Variants in NXPH1 observed in about 807,000 individuals in gnomAD.
NXPH1 encodes neurexophilin-1.
In NXPH1, 5 loss-of-function variants were observed where a neutral mutation model predicts 23.7. The observed-to-expected ratio is 0.21, with a 90% CI of 0.11 to 0.44. NXPH1 has a LOEUF of 0.44. Among genes scored for constraint, NXPH1 ranks in the 20% least tolerant of loss-of-function variants. The pLI is 0.99. For missense variants in NXPH1, 324 were observed against 321.6 expected (o/e 1.01, Z -0.06); for synonymous variants, 144 against 122.2 (o/e 1.18, Z -1.18).
At chr7:8,743,815 C>G (rs1211222232) in intron 2 of NXPH1, among the ~76,000 whole-genome samples, 1 of 151,974 alleles carries the variant, frequency 6.6e-6, no homozygotes, top group Non-Finnish European at 1.5e-5. Context: ...TCCCGAGTAG[C>G]TGGGACCACA....
At chr7:8,746,349 A>T (rs886983971) in intron 2 of NXPH1, among the ~76,000 whole-genome samples, 1 of 152,166 alleles carries the variant, frequency 6.6e-6, no homozygotes, top group Non-Finnish European at 1.5e-5. Context: ...TACAGCTGAA[A>T]CCTGCTTTGA....
chr7:8,496,882 ATTATAC>A (rs774670955), intron 2 of NXPH1, among the ~76,000 whole-genome samples: 1 of 152,102 alleles, frequency 6.6e-6, no homozygotes, highest in Non-Finnish European at 1.5e-5. Flanking sequence ...TTTTTTAAAA[ATTATAC>A]TTTAAGTTCT....
intron 2 of NXPH1, among the ~76,000 whole-genome samples, chr7:8,551,042 A>C (rs910969936): frequency 1.3e-5 from 2 of 151,502 alleles, no homozygotes; most frequent in Non-Finnish European, 3.0e-5. Context: ...TAAAACTTCT[A>C]ATATGTATTA....
intron 2 of NXPH1, among the ~76,000 whole-genome samples, chr7:8,537,705 C>T (rs1818049882): frequency 6.6e-6 from 1 of 151,854 alleles, no homozygotes; most frequent in African/African-American, 2.4e-5. Context: ...AGCTGTGTGA[C>T]ACTGGGAGCT....
intron 2 of NXPH1, among the ~76,000 whole-genome samples, chr7:8,614,977 A>G (rs1819704511): frequency 6.6e-6 from 1 of 152,056 alleles, no homozygotes; most frequent in Non-Finnish European, 1.5e-5. Context: ...TCTGTTTTGT[A>G]TTTTAATTCT....
At chr7:8,636,678 C>A in intron 2 of NXPH1, among the ~76,000 whole-genome samples, 1 of 152,120 alleles carries the variant, frequency 6.6e-6, no homozygotes. Context: ...TTTGATTTTG[C>A]CATGGGCATG....
chr7:8,735,876 G>C (rs1780245398), intron 2 of NXPH1, among the ~76,000 whole-genome samples: 1 of 152,226 alleles, frequency 6.6e-6, no homozygotes. Context: ...GGGTGTATGT[G>C]TCCAGGAATT....
At position 8,434,879 on chromosome 7, in the gene NXPH1, C is replaced by T. The variant is rs1178841962; in HGVS notation, c.-111+124C>T. 1 of 152,246 alleles carries T rather than the reference C, an allele frequency of 6.6e-6. No homozygotes were observed. Among genetic ancestry groups the T allele is most frequent in the Non-Finnish European group, 1.5e-5 (1 of 68,066 alleles). 9.4% of individuals were successfully genotyped at this position (152,246 alleles called of 1,614,324 possible). ...GAGAACAAGCCTGGCAGGTGACCCT[C>T]ACAGCTCGGAGGAGGCTTCTTCTCT... On this transcript the variant is annotated intron_variant, in intron 1 of 2. Coordinates refer to ENST00000405863, the MANE Select transcript of NXPH1 (RefSeq NM_152745.3). The surrounding 1 kb of genome is among the most constrained non-coding windows in gnomAD (Gnocchi z 7.6).
chr7:8,598,938 T>C (rs895814047), intron 2 of NXPH1, among the ~76,000 whole-genome samples: 2 of 152,162 alleles, frequency 1.3e-5, no homozygotes, highest in African/African-American at 4.8e-5. Context: ...AAGTGTCTCT[T>C]TGAGACATTT....
chr7:8,571,046 CTAATCTA>C, intron 2 of NXPH1, among the ~76,000 whole-genome samples: 1 of 150,894 alleles, frequency 6.6e-6, no homozygotes, highest in South Asian at 2.1e-4. Flanking sequence ...CTAATCTAAT[CTAATCTA>C]ATCTAATCTA....
At chr7:8,503,470 ACT>A (rs1442023165) in intron 2 of NXPH1, among the ~76,000 whole-genome samples, 3 of 151,850 alleles carry the variant, frequency 2.0e-5, no homozygotes, top group African/African-American at 7.3e-5. Context: ...TTGAAGATTG[ACT>A]CTTACATTTA....
At chr7:8,578,106 TG>T (rs1818789626) in intron 2 of NXPH1, among the ~76,000 whole-genome samples, 1 of 152,184 alleles carries the variant, frequency 6.6e-6, no homozygotes, top group South Asian at 2.1e-4. Flanking sequence ...CACTAACTTT[TG>T]GGGCGATTTG....
At chr7:8,642,519 T>C (rs1231261977) in intron 2 of NXPH1, among the ~76,000 whole-genome samples, 2 of 152,204 alleles carry the variant, frequency 1.3e-5, no homozygotes, top group Non-Finnish European at 2.9e-5. Flanking sequence ...CTGAGATTTA[T>C]TAATTTTTAA....
At chr7:8,532,795 A>G (rs1817969188) in intron 2 of NXPH1, among the ~76,000 whole-genome samples, 1 of 152,046 alleles carries the variant, frequency 6.6e-6, no homozygotes, top group African/African-American at 2.4e-5. Context: ...ATAATTACAT[A>G]TTTTTATACC....
chr7:8,503,459 C>G (rs1817471111), intron 2 of NXPH1, among the ~76,000 whole-genome samples: 1 of 151,992 alleles, frequency 6.6e-6, no homozygotes, highest in African/African-American at 2.4e-5. Flanking sequence ...TCCCACTACA[C>G]TTGAAGATTG....
intron 2 of NXPH1, among the ~76,000 whole-genome samples, chr7:8,631,955 T>C (rs1268774010): frequency 6.6e-6 from 1 of 152,170 alleles, no homozygotes; most frequent in Non-Finnish European, 1.5e-5. Context: ...ATGTCCTCAG[T>C]TTTCTGGTCT....
intron 2 of NXPH1, among the ~76,000 whole-genome samples, chr7:8,723,408 C>T (rs1039452031): frequency 4.6e-5 from 7 of 152,148 alleles, no homozygotes; most frequent in Non-Finnish European, 7.3e-5. Context: ...ACCATACTCA[C>T]TATTTTATTA....
chr7:8,725,408 A>G (rs769258899), intron 2 of NXPH1, among the ~76,000 whole-genome samples: 1 of 151,666 alleles, frequency 6.6e-6, no homozygotes, highest in Non-Finnish European at 1.5e-5. Flanking sequence ...GAGGATGGCT[A>G]GAACCTGGGA....
chr7:8,673,532 G>A (rs1404296602), intron 2 of NXPH1, among the ~76,000 whole-genome samples: 4 of 152,182 alleles, frequency 2.6e-5, no homozygotes, highest in Non-Finnish European at 1.5e-5. Context: ...GTTAAGTGCA[G>A]TGCTGGGTTT....
Sources: allele counts gnomAD v4.1 joint callset (sites outside exome capture counted in the v4.1 genomes callset), GRCh38; gene constraint gnomAD v4.1.1; non-coding constraint Gnocchi (gnomAD v3.1); transcripts MANE v1.5; gene names NCBI Gene and HGNC (gene_info 2026-07-23, HGNC 2026-07-21).